The following H2BC1 variants were observed in gnomAD, a reference collection of about 807,000 sequenced individuals.
H2BC1 encodes H2B clustered histone 1.
Under a neutral mutation model 5.4 loss-of-function variants are expected in H2BC1, and 5 were observed. The observed-to-expected ratio is 0.92, with a 90% CI of 0.48 to 1.94. The LOEUF is 1.94. Ranked by LOEUF, H2BC1 falls within the 30% of genes most tolerant of loss-of-function variation. H2BC1 has a pLI of 0.01. For missense variants in H2BC1, 210 were observed against 159.1 expected, an observed-to-expected ratio of 1.32 and a Z score of -1.72; for synonymous variants, 131 against 58.2, an observed-to-expected ratio of 2.25 and a Z score of -5.69.
chr6:25,727,197 C>CA lies in H2BC1; in HGVS notation c.290dup (p.Thr98AspfsTer13). ...CTCCACCATTTCTTCCAGAGAGATT[C>CA]AGACAGCAGTGCGCTTGCTACTGCC... On this transcript the variant is annotated frameshift_variant, in exon 1 of 1. Transcript: ENST00000274764. LOFTEE classifies it high-confidence loss of function. 1 of 1,614,184 alleles carries CA rather than the reference C, an allele frequency of 6.2e-7. No homozygotes were observed.
Position 25,727,058 on chromosome 6 carries a change from C to A in H2BC1, c.150C>A (p.Val50=), listed in dbSNP as rs995284695. 1.2e-6 allele frequency: 2 copies of A among 1,614,102 alleles called. No homozygotes were observed. Residue 50 remains valine, a synonymous_variant, in exon 1 of 1, where the codon GTC becomes GTA. Coordinates refer to ENST00000274764, the MANE Select transcript of H2BC1 (RefSeq NM_170610.3). ...ACATCTACAAAGTGCTAAAGCAGGT[C>A]CATCCGGACACTGGCATCTCTTCGA... The part of the protein sequence containing the change: ...SIYIYKVLKQ[V]HPDTGISSKA...
Position 25,727,120 on chromosome 6 carries a change from T to G in H2BC1, c.212T>G (p.Ile71Ser). 6.2e-7 allele frequency: 1 copy of G among 1,614,178 alleles called. No individual in the cohort carries two copies. The highest frequency in any genetic ancestry group is 1.1e-5 in the South Asian group (1 of 91,086). Residue 71 changes from isoleucine (I) to serine (S), a missense_variant, in exon 1 of 1, where the codon ATC becomes AGC. Ile to Ser is a moderately radical substitution (Grantham distance 142, BLOSUM62 -2). Transcript: ENST00000274764. ...ATTATGAATTCCTTCGTCACTGATA[T>G]CTTTGAGCGTATAGCGAGCGAGGCA... ...MSIMNSFVTD[I>S]FERIASEASR...
Sources: allele counts gnomAD v4.1 joint callset, GRCh38; gene constraint gnomAD v4.1.1; transcripts MANE v1.5; gene names NCBI Gene and HGNC (gene_info 2026-07-23, HGNC 2026-07-21).